The following SGCZ variants were observed in gnomAD, a reference collection of about 807,000 sequenced individuals.
SGCZ encodes the protein zeta-sarcoglycan.
SGCZ carries 40 observed loss-of-function variants against 41.3 expected under a neutral mutation model. The observed-to-expected ratio is 0.97, with a 90% CI of 0.75 to 1.26. The LOEUF (loss-of-function observed/expected upper bound fraction) is 1.26. SGCZ is among the 50% of genes most tolerant of loss of function. The probability of loss-of-function intolerance (pLI) is 0.00; values close to 1 mark genes in which losing one functional copy is unlikely to be tolerated. For missense variants in SGCZ, 552 were observed against 369.8 expected, an observed-to-expected ratio of 1.49 and a Z score of -4.04; for synonymous variants, 206 against 137.5, an observed-to-expected ratio of 1.50 and a Z score of -3.49.
chr8:14,370,107 G>C (rs559280004), intron 2 of SGCZ, among the ~76,000 whole-genome samples: 1 of 151,888 alleles, frequency 6.6e-6, no homozygotes, highest in Non-Finnish European at 1.5e-5. Flanking sequence ...AAGATGAAGG[G>C]GTAAGATGTA....
chr8:14,817,725 C>T (rs1412057604), intron 1 of SGCZ, among the ~76,000 whole-genome samples: 1 of 152,192 alleles, frequency 6.6e-6, no homozygotes, highest in East Asian at 1.9e-4. Flanking sequence ...CATGGAGAAG[C>T]TGCTAAATAG....
At chr8:14,791,293 T>G (rs1800942906) in intron 1 of SGCZ, among the ~76,000 whole-genome samples, 1 of 152,012 alleles carries the variant, frequency 6.6e-6, no homozygotes, top group Non-Finnish European at 1.5e-5. Context: ...GAGATCGAAT[T>G]TATTCTGACA....
chr8:14,606,841 G>A (rs939601389), intron 1 of SGCZ, among the ~76,000 whole-genome samples: 1 of 151,996 alleles, frequency 6.6e-6, no homozygotes, highest in Non-Finnish European at 1.5e-5. Context: ...GATAATAGTG[G>A]CTTTTTGTTT....
intron 1 of SGCZ, among the ~76,000 whole-genome samples, chr8:14,978,651 G>T (rs955094373): frequency 1.3e-5 from 2 of 151,924 alleles, no homozygotes; most frequent in Admixed American, 6.6e-5. Flanking sequence ...CCTGAAACAA[G>T]TCTTCAAATC....
intron 1 of SGCZ, among the ~76,000 whole-genome samples, chr8:14,761,053 G>T (rs1799855592): frequency 6.6e-6 from 1 of 152,098 alleles, no homozygotes; most frequent in African/African-American, 2.4e-5. Flanking sequence ...TGAATATAAA[G>T]CTATTATTTT....
At chr8:14,719,385 G>A (rs547548534) in intron 1 of SGCZ, among the ~76,000 whole-genome samples, 2,073 of 150,122 alleles carry the variant, frequency 0.014, 34 homozygotes, top group Non-Finnish European at 0.018. Context: ...GGGATGGCTG[G>A]GTCAAATGGT....
intron 2 of SGCZ, among the ~76,000 whole-genome samples, chr8:14,465,458 C>T (rs552035694): frequency 6.6e-6 from 1 of 151,650 alleles, no homozygotes; most frequent in African/African-American, 2.4e-5. Context: ...GAGGGAGTCT[C>T]CTGTACAGTT....
At chr8:14,798,937 C>A (rs1313504460) in intron 1 of SGCZ, among the ~76,000 whole-genome samples, 1 of 151,786 alleles carries the variant, frequency 6.6e-6, no homozygotes, top group Non-Finnish European at 1.5e-5. Context: ...AGAAAAGTCT[C>A]ATTTCTGCCT....
chr8:15,220,904 A>G lies in SGCZ; in HGVS notation c.39+16681T>C, dbSNP rs182663721. On this transcript the variant is annotated intron_variant, in intron 1 of 7. Coordinates refer to ENST00000382080, the MANE Select transcript of SGCZ (RefSeq NM_139167.4). Reference sequence around the variant, plus strand: ...AGGAAACCATCATTCTGAGCAAACTATCACAAGTACAGAAAACCAAACACC... The same window carrying G: ...AGGAAACCATCATTCTGAGCAAACTGTCACAAGTACAGAAAACCAAACACC... Among the ~76,000 whole-genome samples, 10 of 152,254 alleles carry G rather than the reference A, an allele frequency of 6.6e-5. No individual in the cohort carries two copies. In the East Asian group the frequency reaches 1.9e-3, roughly 30 times the overall value.
chr8:14,193,859 T>C (rs1805183537), intron 4 of SGCZ, among the ~76,000 whole-genome samples: 1 of 151,870 alleles, frequency 6.6e-6, no homozygotes, highest in South Asian at 2.1e-4. Context: ...AAGAAACTCC[T>C]ACCTTGAACA....
intron 7 of SGCZ, among the ~76,000 whole-genome samples, chr8:14,091,624 T>C (rs1486506636): frequency 6.6e-6 from 1 of 152,200 alleles, no homozygotes; most frequent in Admixed American, 6.6e-5. Context: ...AAATATCTTC[T>C]TTTGAGAAAT....
chr8:14,666,161 A>T (rs2117496160), intron 1 of SGCZ, among the ~76,000 whole-genome samples: 1 of 152,248 alleles, frequency 6.6e-6, no homozygotes, highest in Non-Finnish European at 1.5e-5. Flanking sequence ...CTGCCTTTCA[A>T]ATGTCCTAAC....
At chr8:15,144,644 CA>C (rs1289868501) in intron 1 of SGCZ, among the ~76,000 whole-genome samples, 1 of 152,070 alleles carries the variant, frequency 6.6e-6, no homozygotes, top group African/African-American at 2.4e-5. Flanking sequence ...TTAGTAGAGA[CA>C]GGGTTTCACT....
chr8:15,069,943 G>A (rs1223384642), intron 1 of SGCZ, among the ~76,000 whole-genome samples: 2 of 150,168 alleles, frequency 1.3e-5, no homozygotes, highest in African/African-American at 4.9e-5. Flanking sequence ...CACACACAAA[G>A]ACACACACAC....
At chr8:14,373,189 A>C (rs2117167391) in intron 2 of SGCZ, among the ~76,000 whole-genome samples, 1 of 152,318 alleles carries the variant, frequency 6.6e-6, no homozygotes. Context: ...AGGTTAAGCA[A>C]GAAAGAGTGG....
intron 1 of SGCZ, among the ~76,000 whole-genome samples, chr8:14,831,750 C>A (rs1353307749): frequency 8.8e-6 from 1 of 114,030 alleles, no homozygotes; most frequent in African/African-American, 3.3e-5. Context: ...GAAGGAAGAT[C>A]TGTATAAACA....
At chr8:14,983,714 T>C (rs1291741552) in intron 1 of SGCZ, among the ~76,000 whole-genome samples, 1 of 152,124 alleles carries the variant, frequency 6.6e-6, no homozygotes, top group Non-Finnish European at 1.5e-5. Flanking sequence ...TTACAGATGA[T>C]GAAGTTGAGG....
chr8:14,479,727 A>ATTTT (rs1244101937), intron 2 of SGCZ, among the ~76,000 whole-genome samples: 2 of 109,388 alleles, frequency 1.8e-5, no homozygotes, highest in African/African-American at 7.5e-5. Flanking sequence ...CCAGAATTCT[A>ATTTT]CTTCTTTTTT....
chr8:14,394,788 T>TA (rs1483697058), intron 2 of SGCZ, among the ~76,000 whole-genome samples: 9 of 151,948 alleles, frequency 5.9e-5, no homozygotes, highest in Non-Finnish European at 8.8e-5. Context: ...ATCATGAAGG[T>TA]AAAAAAAGGC....
Sources: gnomAD v4.1 joint callset for allele counts (sites outside exome capture counted in the v4.1 genomes callset) on GRCh38, gnomAD v4.1.1 for gene constraint, MANE v1.5 for transcripts, NCBI Gene and HGNC (gene_info 2026-07-23, HGNC 2026-07-21) for gene names.